Variants in RB1 observed in about 807,000 individuals in gnomAD.
RB1 encodes retinoblastoma-associated protein.
Under a neutral mutation model 135.4 loss-of-function variants are expected in RB1, and 18 were observed. The observed-to-expected ratio is 0.13, with a 90% CI of 0.09 to 0.20. RB1 has a LOEUF of 0.20. Among genes scored for constraint, RB1 ranks in the 10% least tolerant of loss-of-function variants. RB1 has a pLI of 1.00. For synonymous variants in RB1, 365 were observed against 373.2 expected (o/e 0.98, Z 0.25); for missense variants, 868 against 1,110.0 (o/e 0.78, Z 3.10).
At chr13:48,385,398 A>C (rs1305206422) in intron 17 of RB1, among the ~76,000 whole-genome samples, 4 of 152,324 alleles carry the variant, frequency 2.6e-5, no homozygotes, top group Non-Finnish European at 4.4e-5. Context: ...ATTACTGGAC[A>C]GGAAGAACAG....
At chr13:48,307,011 G>A (rs1952086225) in intron 1 of RB1, among the ~76,000 whole-genome samples, 1 of 152,162 alleles carries the variant, frequency 6.6e-6, no homozygotes, top group Non-Finnish European at 1.5e-5. Flanking sequence ...CTTCACAGAA[G>A]TGTTTTGCTG....
At chr13:48,311,700 T>C (rs1952131955) in intron 2 of RB1, among the ~76,000 whole-genome samples, 1 of 152,196 alleles carries the variant, frequency 6.6e-6, no homozygotes, top group African/African-American at 2.4e-5. Context: ...TTTTTATTAA[T>C]GTATTTTTTA....
chr13:48,446,333 A>G (rs369474715), intron 17 of RB1, among the ~76,000 whole-genome samples: 181 of 152,120 alleles, frequency 1.2e-3, no homozygotes, highest in African/African-American at 4.0e-3. Flanking sequence ...CTTAATATCA[A>G]CCTTCTCACT....
intron 17 of RB1, among the ~76,000 whole-genome samples, chr13:48,408,996 A>G (rs1948764433): frequency 6.6e-6 from 1 of 152,144 alleles, no homozygotes; most frequent in African/African-American, 2.4e-5. Flanking sequence ...ATGTTTAAGA[A>G]AGAGTGTATT....
chr13:48,410,242 A>G (rs4151546), intron 17 of RB1, among the ~76,000 whole-genome samples: 1 of 152,232 alleles, frequency 6.6e-6, no homozygotes, highest in Admixed American at 6.5e-5. Context: ...AGATTATCAT[A>G]CTATATTTTT....
chr13:48,452,146 C>T (rs947034543), intron 17 of RB1, among the ~76,000 whole-genome samples: 2 of 151,884 alleles, frequency 1.3e-5, no homozygotes, highest in African/African-American at 4.8e-5. Flanking sequence ...TTGTCTTCTG[C>T]TAGCTTTGGG....
chr13:48,328,564 T>TC, intron 2 of RB1: 1 of 683,370 alleles, frequency 1.5e-6, no homozygotes, highest in South Asian at 1.6e-5. Flanking sequence ...ATCAGCCATT[T>TC]CCCCCGCCGC....
intron 17 of RB1, among the ~76,000 whole-genome samples, chr13:48,393,856 T>C (rs1948628808): frequency 6.6e-6 from 1 of 152,228 alleles, no homozygotes; most frequent in African/African-American, 2.4e-5. Context: ...GATTCTGTCA[T>C]ACTCTTTTTC....
rs1205375502 is a variant in RB1 at position 48,481,677 on chromosome 13, G to T, written c.*1606G>T. On this transcript the variant is annotated 3_prime_UTR_variant, in exon 27 of 27. Transcript: ENST00000267163. ...TTAGGTCAAGGGCTTACTATTTCTG[G>T]GTCTTTTGCTACTAAGTTCACATTA... 2.2e-5 allele frequency: 5 copies of T among 230,738 alleles called. No homozygotes were observed. Among genetic ancestry groups the T allele is most frequent in the Non-Finnish European group, 4.3e-5 (5 of 116,508 alleles). 14.3% of individuals were successfully genotyped at this position (230,738 alleles called of 1,614,324 possible). A position where few individuals can be genotyped will look rare whatever the true frequency, so the allele number is the denominator to read the frequency against.
chr13:48,434,887 T>C (rs1949167424), intron 17 of RB1, among the ~76,000 whole-genome samples: 2 of 152,244 alleles, frequency 1.3e-5, no homozygotes, highest in African/African-American at 2.4e-5. Context: ...ATATTGCATG[T>C]ATCAATAGTT....
At chr13:48,318,595 C>T (rs969284573) in intron 2 of RB1, 7 of 619,806 alleles carry the variant, frequency 1.1e-5, no homozygotes, top group African/African-American at 1.9e-5. Flanking sequence ...CCCTCATGGC[C>T]GGGCACGGCT....
At chr13:48,437,041 A>T (rs1949191463) in intron 17 of RB1, among the ~76,000 whole-genome samples, 1 of 152,214 alleles carries the variant, frequency 6.6e-6, no homozygotes, top group Non-Finnish European at 1.5e-5. Flanking sequence ...AGACAAGTTC[A>T]TGCTTGCCTT....
intron 16 of RB1, among the ~76,000 whole-genome samples, chr13:48,380,663 G>A (rs974133769): frequency 6.6e-6 from 1 of 152,122 alleles, no homozygotes; most frequent in African/African-American, 2.4e-5. Context: ...CAATTACAAT[G>A]TTTTTAAAAA....
chr13:48,339,835 G>A (rs1309094132), intron 2 of RB1, among the ~76,000 whole-genome samples: 1 of 152,100 alleles, frequency 6.6e-6, no homozygotes, highest in African/African-American at 2.4e-5. Context: ...TCATCTGTAT[G>A]ATGAGAAGTG....
chr13:48,344,538 A>T (rs1593435339), intron 3 of RB1, among the ~76,000 whole-genome samples: 1 of 152,092 alleles, frequency 6.6e-6, no homozygotes, highest in African/African-American at 2.4e-5. Flanking sequence ...TGTCTATGCT[A>T]AGGGGTGGGG....
intron 9 of RB1, among the ~76,000 whole-genome samples, chr13:48,366,584 A>G (rs1465485979): frequency 2.6e-5 from 4 of 152,204 alleles, no homozygotes; most frequent in Non-Finnish European, 5.9e-5. Flanking sequence ...TAATTAAAAA[A>G]TTATGGATCA....
At chr13:48,318,011 T>G (rs1446934327) in intron 2 of RB1, 1 of 498,466 alleles carries the variant, frequency 2.0e-6, no homozygotes, top group East Asian at 4.6e-5. Flanking sequence ...TGAACTCCTG[T>G]CGTCAGACAG....
rs965323856 is a variant in RB1 at position 48,319,357 on chromosome 13, G to A, written c.264+11951G>A. 4.1e-6 allele frequency: 2 copies of A among 490,322 alleles called. No individual in the cohort carries two copies. The highest frequency in any genetic ancestry group is 7.5e-6 in the Non-Finnish European group (2 of 267,442). The allele number at this position is 490,322 out of a possible 1,614,324, so 30.4% of individuals were successfully genotyped here. A position where few individuals can be genotyped will look rare whatever the true frequency, so the allele number is the denominator to read the frequency against. On this transcript the variant is annotated intron_variant, in intron 2 of 26. Transcript: ENST00000267163. The surrounding 1 kb of genome is among the most constrained non-coding windows in gnomAD (Gnocchi z 5.0). ...CCGTTGGCCTCCTTGCGTGTTTGCC[G>A]CAGCTAGTACACCTGGATGGCCTCC...
chr13:48,324,018 G>A lies in RB1; in HGVS notation c.264+16612G>A, dbSNP rs185979920. Among the ~76,000 whole-genome samples, 19 of 151,562 alleles carry A rather than the reference G, an allele frequency of 1.3e-4. No individual in the cohort carries two copies. The East Asian group carries it at 2.5e-3, about 20-fold the overall frequency. Reference sequence around the variant, plus strand: ...ATCACACTTTATAGTAATAAAGAGCGGATCTCTGTTGCTCTCCTTTTTTAC... The same window carrying A: ...ATCACACTTTATAGTAATAAAGAGCAGATCTCTGTTGCTCTCCTTTTTTAC... On this transcript the variant is annotated intron_variant, in intron 2 of 26. Transcript: ENST00000267163.
Sources: allele counts gnomAD v4.1 joint callset (sites outside exome capture counted in the v4.1 genomes callset), GRCh38; gene constraint gnomAD v4.1.1; non-coding constraint Gnocchi (gnomAD v3.1); transcripts MANE v1.5; gene names NCBI Gene and HGNC (gene_info 2026-07-23, HGNC 2026-07-21).